GSDME: variants seen among roughly 807,000 people sequenced by gnomAD.
GSDME encodes gasdermin-E.
In GSDME, 44 loss-of-function variants were observed where a neutral mutation model predicts 47.5. The ratio of observed to expected loss-of-function variants is 0.93; its 90% CI spans 0.73 to 1.19. The LOEUF is 1.19. GSDME is among the 50% of genes most tolerant of loss of function. The pLI is 0.00. For missense variants in GSDME, 663 were observed against 604.2 expected (o/e 1.10, Z -1.02); for synonymous variants, 258 against 252.8 (o/e 1.02, Z -0.20).
chr7:24,742,735 C>T lies in GSDME; in HGVS notation c.404+1827G>A, dbSNP rs759970072. Among the ~76,000 whole-genome samples the T allele has an allele frequency of 4.6e-5, 7 of 152,172 alleles. No individual in the cohort carries two copies. The highest frequency in any genetic ancestry group is 2.1e-4 in the South Asian group (1 of 4,828). ...GGTGAGACTGAGGGAGCAGAGAAGACGCTCTGGACACCCCCCGCCTCCCTT... is the reference window on the plus strand; with the variant it reads ...GGTGAGACTGAGGGAGCAGAGAAGATGCTCTGGACACCCCCCGCCTCCCTT... On this transcript the variant is annotated intron_variant, in intron 3 of 9. Coordinates refer to ENST00000645220, the MANE Select transcript of GSDME (RefSeq NM_001127453.2). This position sits in a 1 kb window ranked among gnomAD's most constrained non-coding sequence, Gnocchi z 4.4.
At chr7:24,746,291 A>G (rs1012649777) in intron 2 of GSDME, among the ~76,000 whole-genome samples, 1 of 152,208 alleles carries the variant, frequency 6.6e-6, no homozygotes, top group Non-Finnish European at 1.5e-5. Context: ...CCTTGGGAAG[A>G]AGGGCAGAGC....
In GSDME at chr7:24,744,665, G is replaced by T. The variant is rs1157441130; in HGVS notation, c.301C>A (p.Leu101Met). 6.2e-7 allele frequency: 1 copy of T among 1,614,062 alleles called. No individual in the cohort carries two copies. The highest frequency in any genetic ancestry group is 1.3e-5 in the African/African-American group (1 of 74,910). ...ACGCGGCTGCTGCCCCCCAGGTTCAGCTTGACCTTCCCCAGTGCAGTCTCC... is the reference window on the plus strand; with the variant it reads ...ACGCGGCTGCTGCCCCCCAGGTTCATCTTGACCTTCCCCAGTGCAGTCTCC... ...TLETALGKVK[L>M]NLGGSSRVES... is the part of the protein sequence containing the mutation. Residue 101 changes from leucine to methionine, a missense_variant, in exon 3 of 10, where the codon CTG becomes ATG. Physicochemically the swap from Leu to Met is conservative, Grantham distance 15. Transcript: ENST00000645220. This position sits in a 1 kb window ranked among gnomAD's most constrained non-coding sequence, Gnocchi z 4.5.
chr7:24,717,150 C>G, intron 5 of GSDME, 104 bp downstream of exon 5: 1 of 1,155,978 alleles, frequency 8.7e-7, no homozygotes, highest in Non-Finnish European at 1.2e-6. Context: ...CCCTCTCTTC[C>G]CACAGTCTCC....
rs185117635 is a variant in GSDME, at chr7:24,703,035, C to G, written c.1184-202G>C. 7.0e-4 allele frequency: 361 copies of G among 513,728 alleles called. 3 individuals are homozygous for G. The highest frequency in any genetic ancestry group is 6.4e-3 in the African/African-American group (336 of 52,290). 31.8% of individuals were successfully genotyped at this position (513,728 alleles called of 1,614,324 possible). ...GTAGAAAACAGATGTAGGAACCCAG[C>G]TGCCAGCTCTGCATTCCACAGAGGA... On this transcript the variant is annotated intron_variant, in intron 8 of 9. Transcript: ENST00000645220.
At chr7:24,795,522 A>C in the GSDME span, among the ~76,000 whole-genome samples, 1 of 152,132 alleles carries the variant, frequency 6.6e-6, no homozygotes, top group Admixed American at 6.5e-5. Flanking sequence ...CCCATTGAGC[A>C]AGCAGGGGTA....
rs61241329 is a variant in GSDME at position 24,744,368 on chromosome 7, C to T, written c.404+194G>A. 40 of 643,336 alleles carry T rather than the reference C, an allele frequency of 6.2e-5. No individual in the cohort carries two copies. The highest frequency in any genetic ancestry group is 7.4e-5 in the South Asian group (4 of 53,756). The allele number at this position is 643,336 out of a possible 1,614,324, so 39.9% of individuals were successfully genotyped here. On this transcript the variant is annotated intron_variant, in intron 3 of 9. Transcript: ENST00000645220. The surrounding 1 kb of genome is among the most constrained non-coding windows in gnomAD (Gnocchi z 4.5). Reference sequence around the variant, plus strand: ...TGAAAGTGCTTCCCAAGTCTCCCCCCACTCAGGCTAAGAACAGTCAAGCAA... The same window carrying T: ...TGAAAGTGCTTCCCAAGTCTCCCCCTACTCAGGCTAAGAACAGTCAAGCAA...
At chr7:24,770,733 C>A in the GSDME span, among the ~76,000 whole-genome samples, 1 of 151,490 alleles carries the variant, frequency 6.6e-6, no homozygotes, top group East Asian at 1.9e-4. This position sits in a 1 kb window ranked among gnomAD's most constrained non-coding sequence, Gnocchi z 4.6. Flanking sequence ...TGCTAGAGAT[C>A]AAAAATACTG....
intron 7 of GSDME, chr7:24,707,884 A>T: frequency 1.7e-6 from 1 of 583,848 alleles, no homozygotes; most frequent in African/African-American, 1.9e-5. Context: ...ACTATGAGAG[A>T]ATAAATTCCT....
the GSDME span, among the ~76,000 whole-genome samples, chr7:24,790,883 T>G: frequency 7.2e-5 from 11 of 152,198 alleles, no homozygotes; most frequent in Non-Finnish European, 1.6e-4. The surrounding 1 kb of genome is among the most constrained non-coding windows in gnomAD (Gnocchi z 4.1). Context: ...AGTGACCTGA[T>G]GTATACACTG....
chr7:24,785,605 G>A, the GSDME span, among the ~76,000 whole-genome samples: 2 of 152,282 alleles, frequency 1.3e-5, no homozygotes, highest in Admixed American at 6.5e-5. Context: ...ACAGGCACAT[G>A]CCACCATGCC....
intron 2 of GSDME, 22 bp downstream of exon 2, chr7:24,749,542 G>A (rs1248013395): frequency 7.3e-7 from 1 of 1,361,500 alleles, no homozygotes; most frequent in African/African-American, 1.5e-5. Context: ...ACTAATTATA[G>A]AATATACCCA....
chr7:24,771,583 T>C, the GSDME span, among the ~76,000 whole-genome samples: 1 of 152,194 alleles, frequency 6.6e-6, no homozygotes, highest in African/African-American at 2.4e-5. This position sits in a 1 kb window ranked among gnomAD's most constrained non-coding sequence, Gnocchi z 4.1. Context: ...CTTGAGCAAG[T>C]TGCCTGAGTT....
At position 24,744,641 on chromosome 7, in the gene GSDME, C is replaced by CGCG; in HGVS notation, c.322_324dup (p.Arg108dup). On this transcript the variant is annotated inframe_insertion, in exon 3 of 10. Transcript: ENST00000645220. This position sits in a 1 kb window ranked among gnomAD's most constrained non-coding sequence, Gnocchi z 4.5. ...GTTCCAAATGAAGACTGGCTCTCTA[C>CGCG]GCGGCTGCTGCCCCCCAGGTTCAGC... is the stretch of plus-strand genomic sequence containing the variant. 1 of 1,614,190 alleles carries CGCG rather than the reference C, an allele frequency of 6.2e-7. No homozygotes were observed. The highest frequency in any genetic ancestry group is 1.1e-5 in the South Asian group (1 of 91,084).
chr7:24,750,458 A>C (rs1027817613), intron 1 of GSDME, among the ~76,000 whole-genome samples: 1 of 152,176 alleles, frequency 6.6e-6, no homozygotes, highest in Non-Finnish European at 1.5e-5. Context: ...ATTAAAAATT[A>C]AAAAATTAGC....
At position 24,706,437 on chromosome 7, in the gene GSDME, G is replaced by A. The variant is rs1409055877; in HGVS notation, c.991-61C>T. 5.9e-6 allele frequency: 9 copies of A among 1,535,296 alleles called. No homozygotes were observed. The Admixed American group carries it at 7.4e-5, about 13-fold the overall frequency. On this transcript the variant is annotated intron_variant, in intron 7 of 9. Transcript: ENST00000645220. ...CTGGAGACCAAGCGCCACAGCTGGG[G>A]CCTCCGCTCACAGTACACACAAGCC...
At chr7:24,794,420 T>G in the GSDME span, among the ~76,000 whole-genome samples, 1 of 152,154 alleles carries the variant, frequency 6.6e-6, no homozygotes, top group Admixed American at 6.5e-5. Context: ...GTAGAGCTAC[T>G]CTTTCTTCCT....
intron 9 of GSDME, 105 bp from the exon 10 acceptor site, chr7:24,699,364 A>AT: frequency 1.2e-6 from 1 of 809,562 alleles, no homozygotes; most frequent in Non-Finnish European, 2.1e-6. Context: ...ACTTTTTGAG[A>AT]TGGAGTCTTG....
chr7:24,727,066 C>T (rs1168590614), intron 3 of GSDME, among the ~76,000 whole-genome samples: 3 of 152,188 alleles, frequency 2.0e-5, no homozygotes, highest in African/African-American at 7.2e-5. Flanking sequence ...GATTCTAAGG[C>T]TGAGTGTGGG....
At position 24,756,171 on chromosome 7, in the gene GSDME, T is replaced by C. The variant is rs1417585314; in HGVS notation, c.-20+1225A>G. On this transcript the variant is annotated intron_variant, in intron 1 of 9. Transcript: ENST00000645220. The surrounding 1 kb of genome is among the most constrained non-coding windows in gnomAD (Gnocchi z 4.2). Reference sequence around the variant, plus strand: ...GAAGGAGAGTGAGGCGCCAAAGGCTTTGGGGAAGTGGAGTGGGTAACAGAG... The same window carrying C: ...GAAGGAGAGTGAGGCGCCAAAGGCTCTGGGGAAGTGGAGTGGGTAACAGAG... Among the ~76,000 whole-genome samples, 3 of 152,044 alleles carry C rather than the reference T, an allele frequency of 2.0e-5. No individual in the cohort carries two copies. Among genetic ancestry groups the C allele is most frequent in the African/African-American group, 7.2e-5 (3 of 41,392 alleles).
Sources: allele counts gnomAD v4.1 joint callset (sites outside exome capture counted in the v4.1 genomes callset), GRCh38; gene constraint gnomAD v4.1.1; non-coding constraint Gnocchi (gnomAD v3.1); transcripts MANE v1.5; gene names NCBI Gene and HGNC (gene_info 2026-07-23, HGNC 2026-07-21).